Variants in CEP95 observed in about 807,000 individuals in gnomAD.
CEP95 encodes the protein centrosomal protein 95.
In CEP95, 98 loss-of-function variants were observed where a neutral mutation model predicts 111.2. That is an observed-to-expected ratio of 0.88 (90% CI 0.75 to 1.04). The LOEUF (loss-of-function observed/expected upper bound fraction) is 1.04. Among genes scored for constraint, CEP95 ranks in the 50% least tolerant of loss-of-function variants. The probability of loss-of-function intolerance (pLI) is 0.00; values close to 1 mark genes in which losing one functional copy is unlikely to be tolerated. For synonymous variants in CEP95, 323 were observed against 327.1 expected, an observed-to-expected ratio of 0.99 and a Z score of 0.14; for missense variants, 1,027 against 977.2, an observed-to-expected ratio of 1.05 and a Z score of -0.68.
Position 64,537,026 on chromosome 17 carries a change from T to C in CEP95, c.2218-15T>C. 2 of 1,596,694 alleles carry C rather than the reference T, an allele frequency of 1.3e-6. No individual in the cohort carries two copies. On this transcript the variant is annotated splice_polypyrimidine_tract_variant and intron_variant, in intron 18 of 19. Transcript: ENST00000556440. Reference sequence around the variant, plus strand: ...CATTAAATATAATATTTGTTTTTTTTCTTCCTATAAACAGTTTTCATTGCT... The same window carrying C: ...CATTAAATATAATATTTGTTTTTTTCCTTCCTATAAACAGTTTTCATTGCT...
intron 8 of CEP95, among the ~76,000 whole-genome samples, chr17:64,523,158 C>T (rs1967500499): frequency 6.6e-6 from 1 of 152,110 alleles, no homozygotes; most frequent in Admixed American, 6.6e-5. Flanking sequence ...AAAACGAATG[C>T]ATATAAAGGG....
At chr17:64,529,668 AGAG>A (rs1476006394) in intron 12 of CEP95, among the ~76,000 whole-genome samples, 9 of 152,250 alleles carry the variant, frequency 5.9e-5, no homozygotes, top group African/African-American at 1.4e-4. Context: ...AGATTAAGAA[AGAG>A]GAGATCAGTG....
At chr17:64,511,686 A>G (rs1012056178) in intron 3 of CEP95, among the ~76,000 whole-genome samples, 1 of 152,208 alleles carries the variant, frequency 6.6e-6, no homozygotes, top group South Asian at 2.1e-4. Context: ...TTACAAGATG[A>G]CAGGATTAAG....
chr17:64,516,938 C>G (rs1414039609), intron 5 of CEP95, 110 bp downstream of exon 5: 3 of 583,322 alleles, frequency 5.1e-6, no homozygotes, highest in Admixed American at 6.4e-5. Context: ...TAATGTGAAA[C>G]TTCTACTAAC....
chr17:64,526,401 A>G (rs1448315530), intron 10 of CEP95, among the ~76,000 whole-genome samples: 1 of 152,218 alleles, frequency 6.6e-6, no homozygotes, highest in Non-Finnish European at 1.5e-5. Flanking sequence ...GTGCAGATTT[A>G]TCCAAATTTT....
At position 64,521,580 on chromosome 17, in the gene CEP95, A is replaced by G. The variant is rs76829079; in HGVS notation, c.715+53A>G. On this transcript the variant is annotated intron_variant, in intron 7 of 19. Coordinates refer to ENST00000556440, the MANE Select transcript of CEP95 (RefSeq NM_138363.3). ...ACTGCTGATGATCATTCTTGGGGCAATTGTTGTTGCCATTAGCCTTTTTAC... is the reference window on the plus strand; with the variant it reads ...ACTGCTGATGATCATTCTTGGGGCAGTTGTTGTTGCCATTAGCCTTTTTAC... 3.2e-4 allele frequency: 491 copies of G among 1,557,328 alleles called. 2 individuals carry two copies. In the East Asian group the frequency reaches 0.011, roughly 34 times the overall value.
In CEP95 at chr17:64,534,664, C is replaced by T. The variant is rs782381678; in HGVS notation, c.1997C>T (p.Ala666Val). The part of the protein sequence containing the change: ...IKENRQQIVR[A>V]RKYYDDYRVQ... ...GAAAATCGACAGCAAATCGTTCGTG[C>T]TCGAAAATATTATGATGATTATAGA... is the stretch of plus-strand genomic sequence containing the variant. The change falls in exon 17 of 20, where the codon GCT (alanine) becomes GTT (valine). Residue 666 changes from alanine (A) to valine (V), a missense_variant. Coordinates refer to ENST00000556440, the MANE Select transcript of CEP95 (RefSeq NM_138363.3). 6.2e-7 allele frequency: 1 copy of T among 1,613,516 alleles called. No individual in the cohort carries two copies. The highest frequency in any genetic ancestry group is 1.1e-5 in the South Asian group (1 of 91,026).
At chr17:64,526,283 T>G in intron 10 of CEP95, 83 bp downstream of exon 10, 18 of 1,330,322 alleles carry the variant, frequency 1.4e-5, no homozygotes, top group Non-Finnish European at 1.8e-5. Flanking sequence ...AAGTGAGGTA[T>G]TAGAAAATTA....
intron 5 of CEP95, among the ~76,000 whole-genome samples, chr17:64,518,305 C>A (rs1967034067): frequency 6.6e-6 from 1 of 152,136 alleles, no homozygotes; most frequent in Non-Finnish European, 1.5e-5. Flanking sequence ...AAACGTGATA[C>A]TTAATGTTTA....
intron 5 of CEP95, among the ~76,000 whole-genome samples, chr17:64,517,055 TTTC>T (rs1484082317): frequency 6.6e-6 from 1 of 152,158 alleles, no homozygotes; most frequent in Non-Finnish European, 1.5e-5. Flanking sequence ...TTTCTTTTTT[TTTC>T]TTTTTTGAGA....
chr17:64,527,918 C>T (rs1382008397), intron 11 of CEP95, among the ~76,000 whole-genome samples: 4 of 149,226 alleles, frequency 2.7e-5, no homozygotes, highest in Admixed American at 6.7e-5. Flanking sequence ...GCGTGTAGCA[C>T]TATCTATTTC....
Position 64,537,658 on chromosome 17 carries a change from A to G in CEP95, c.2345A>G (p.Gln782Arg), listed in dbSNP as rs377398294. 5.1e-5 allele frequency: 83 copies of G among 1,612,998 alleles called. 2 individuals carry two copies. The highest frequency in any genetic ancestry group is 4.3e-4 in the South Asian group (39 of 90,898). The change falls in exon 20 of 20, where the codon CAG becomes CGG. Residue 782 changes from glutamine to arginine, a missense_variant. Physicochemically the swap from Gln to Arg is conservative, Grantham distance 43. Transcript: ENST00000556440. ...TCTAAGATGGAGAAGGAAATTCAGC[A>G]GCTGCAGGACATGATAACACAGAAT... is the stretch of plus-strand genomic sequence containing the variant. ...LRSKMEKEIQ[Q>R]LQDMITQNDD... is the part of the protein sequence containing the mutation.
At position 64,534,902 on chromosome 17, in the gene CEP95, C is replaced by A. The variant is rs192294206; in HGVS notation, c.2070+165C>A. Reference sequence around the variant, plus strand: ...TGCTTGGCCACACTTCATTTTCTTACTCCATTGTGCATTCCCGTCCATTCT... The same window carrying A: ...TGCTTGGCCACACTTCATTTTCTTAATCCATTGTGCATTCCCGTCCATTCT... On this transcript the variant is annotated intron_variant, in intron 17 of 19. Coordinates refer to ENST00000556440, the MANE Select transcript of CEP95 (RefSeq NM_138363.3). 1.4e-5 allele frequency: 10 copies of A among 730,732 alleles called. No individual in the cohort carries two copies. In the East Asian group the frequency reaches 2.5e-4, roughly 19 times the overall value. The allele number at this position is 730,732 out of a possible 1,614,324, so 45.3% of individuals were successfully genotyped here.
chr17:64,537,855 G>A lies in CEP95; in HGVS notation c.*76G>A, dbSNP rs552715826. 1 of 751,704 alleles carries A rather than the reference G, an allele frequency of 1.3e-6. No individual in the cohort carries two copies. The highest frequency in any genetic ancestry group is 1.8e-5 in the African/African-American group (1 of 55,406). The allele number at this position is 751,704 out of a possible 1,614,324, so 46.6% of individuals were successfully genotyped here. ...AGAGCTAGAATCGAGCCAGTAAACA[G>A]TCTAAGCCAGAAAAATAATTTTCAA... On this transcript the variant is annotated 3_prime_UTR_variant, in exon 20 of 20. Coordinates refer to ENST00000556440, the MANE Select transcript of CEP95 (RefSeq NM_138363.3).
chr17:64,537,425 G>A, intron 19 of CEP95, 178 bp from the exon 20 acceptor site: 1 of 1,380,902 alleles, frequency 7.2e-7, no homozygotes, highest in Non-Finnish European at 9.3e-7. Flanking sequence ...ATCCATCTAT[G>A]ACCCAAGACA....
At position 64,537,788 on chromosome 17, in the gene CEP95, T is replaced by TTGA. The variant is rs1968760685; in HGVS notation, c.*11_*13dup. The TTGA allele has an allele frequency of 6.5e-7, 1 of 1,548,300 alleles. No homozygotes were observed. The highest frequency in any genetic ancestry group is 1.9e-5 in the Admixed American group (1 of 52,230). On this transcript the variant is annotated 3_prime_UTR_variant, in exon 20 of 20. Transcript: ENST00000556440. ...AAAGTCCCTCCCTATGAGGCCAGAC[T>TTGA]TGATAATAGTAGGTGAAGGTTCTGG...
intron 7 of CEP95, among the ~76,000 whole-genome samples, chr17:64,522,442 G>GACCAGCCTGGGCA (rs1967424747): frequency 6.6e-6 from 1 of 151,462 alleles, no homozygotes; most frequent in South Asian, 2.1e-4. Flanking sequence ...AGGAGTTGGA[G>GACCAGCCTGGGCA]ACCAGCCTGG....
chr17:64,506,879 A>T (rs782434724), upstream of CEP95: 20 of 644,506 alleles, frequency 3.1e-5, no homozygotes, highest in Non-Finnish European at 5.1e-5. Context: ...TAAACTTCCC[A>T]AACCGCCCCC....
intron 1 of CEP95, 99 bp from the exon 2 acceptor site, chr17:64,508,493 C>A (rs782124315): frequency 1.6e-5 from 19 of 1,216,948 alleles, no homozygotes; most frequent in Non-Finnish European, 2.0e-5. Context: ...AGTTCAGTGT[C>A]TGTTTTTGTT....
Sources: gnomAD v4.1 joint callset for allele counts (sites outside exome capture counted in the v4.1 genomes callset) on GRCh38, gnomAD v4.1.1 for gene constraint, MANE v1.5 for transcripts, NCBI Gene and HGNC (gene_info 2026-07-23, HGNC 2026-07-21) for gene names.